Variants in NDUFB5 observed in about 807,000 individuals in gnomAD.
NDUFB5 encodes NADH:ubiquinone oxidoreductase subunit B5.
Under a neutral mutation model 19.4 loss-of-function variants are expected in NDUFB5, and 19 were observed. The ratio of observed to expected loss-of-function variants is 0.98; its 90% CI spans 0.68 to 1.43. The LOEUF (loss-of-function observed/expected upper bound fraction) is 1.43, where lower values mean the gene tolerates loss of function less well. NDUFB5 is among the 40% of genes most tolerant of loss of function. The pLI is 0.00. For missense variants in NDUFB5, 233 were observed against 236.5 expected, an observed-to-expected ratio of 0.99 and a Z score of 0.10; for synonymous variants, 80 against 82.6, an observed-to-expected ratio of 0.97 and a Z score of 0.17.
At chr3:179,615,204 A>G in intron 2 of NDUFB5, 145 bp downstream of exon 2, 1 of 455,602 alleles carries the variant, frequency 2.2e-6, no homozygotes, top group Non-Finnish European at 4.0e-6. Context: ...GAGACTGTAA[A>G]GTCTGATTTG....
At chr3:179,610,952 G>A (rs1719224994) in intron 1 of NDUFB5, among the ~76,000 whole-genome samples, 1 of 152,200 alleles carries the variant, frequency 6.6e-6, no homozygotes, top group Non-Finnish European at 1.5e-5. Context: ...GAAGTATAGG[G>A]ATAGTTTTAA....
rs189125972 is a variant in NDUFB5, at chr3:179,621,091, C to T, written c.449+2570C>T. 1.8e-4 allele frequency among the ~76,000 whole-genome samples: 27 copies of T among 152,044 alleles called. No homozygotes were observed. In the East Asian group the frequency reaches 2.3e-3, roughly 13 times the overall value. ...GTGTATTTCTTTTCTTTCTTCCCCC[C>T]GCCCGAGACAAAGTCTTGCTCTGTT... On this transcript the variant is annotated intron_variant, in intron 5 of 5. Transcript: ENST00000259037.
rs1013156424 is a variant in NDUFB5, at chr3:179,614,979, C to A, written c.133C>A (p.Arg45=). Residue 45 remains arginine (R), a synonymous_variant, in exon 2 of 6, where the codon CGA becomes AGA. Coordinates refer to ENST00000259037, the MANE Select transcript of NDUFB5 (RefSeq NM_002492.4). Reference sequence around the variant, plus strand: ...TAATTCAATATTCCCAGCTCCTGTTCGACACAGTGGAGACCATGGGAAAAG... The same window carrying A: ...TAATTCAATATTCCCAGCTCCTGTTAGACACAGTGGAGACCATGGGAAAAG... ...RGFPKAAAPV[R]HSGDHGKRLF... 6.2e-7 allele frequency: 1 copy of A among 1,604,830 alleles called. No homozygotes were observed. The highest frequency in any genetic ancestry group is 1.1e-5 in the South Asian group (1 of 89,838).
At chr3:179,617,505 A>G (rs1294915082) in intron 4 of NDUFB5, 1 of 152,286 alleles carries the variant, frequency 6.6e-6, no homozygotes, top group African/African-American at 2.4e-5. Flanking sequence ...TTTTATAAAC[A>G]ACGAATTTTG....
intron 5 of NDUFB5, among the ~76,000 whole-genome samples, chr3:179,623,560 G>A (rs1269515355): frequency 6.6e-6 from 1 of 152,156 alleles, no homozygotes; most frequent in Non-Finnish European, 1.5e-5. Flanking sequence ...TGTAGTCCCA[G>A]CTACTTGGGA....
intron 1 of NDUFB5, among the ~76,000 whole-genome samples, chr3:179,609,610 T>A (rs1719188295): frequency 6.6e-6 from 1 of 152,216 alleles, no homozygotes; most frequent in South Asian, 2.1e-4. Flanking sequence ...TTGTTGCTTA[T>A]GTATCTTACT....
intron 1 of NDUFB5, among the ~76,000 whole-genome samples, chr3:179,610,016 A>G (rs886205879): frequency 8.5e-5 from 13 of 152,276 alleles, no homozygotes; most frequent in African/African-American, 1.4e-4. Flanking sequence ...CCTGGACTCA[A>G]GCAATCCTGC....
intron 5 of NDUFB5, among the ~76,000 whole-genome samples, chr3:179,622,148 T>C (rs189395717): frequency 1.3e-5 from 2 of 151,016 alleles, no homozygotes; most frequent in Admixed American, 1.3e-4. Flanking sequence ...TTTAGGGGGG[T>C]TTTTTTGTTT....
intron 5 of NDUFB5, among the ~76,000 whole-genome samples, chr3:179,623,026 T>C (rs1406138191): frequency 6.6e-6 from 1 of 152,184 alleles, no homozygotes; most frequent in Admixed American, 6.5e-5. Flanking sequence ...TAATCTTGAT[T>C]TTTCTTGCTT....
At position 179,604,840 on chromosome 3, in the gene NDUFB5, C is replaced by T. The variant is rs11539673; in HGVS notation, c.25C>T (p.Arg9Trp). 17 of 1,605,912 alleles carry T rather than the reference C, an allele frequency of 1.1e-5. No individual in the cohort carries two copies. Among genetic ancestry groups the T allele is most frequent in the East Asian group, 2.2e-5 (1 of 44,826 alleles). The change falls in exon 1 of 6, where the codon CGG becomes TGG. Residue 9 changes from arginine (R) to tryptophan (W), a missense_variant. Transcript: ENST00000259037. The stretch of plus-strand genomic sequence containing the variant: ...CATGGCGGCCATGAGTTTGTTGCGG[C>T]GGGTTTCGGTTACTGCGGTGGCAGC... MAAMSLLRRVSVTAVAALS... is the reference protein window; with the variant it reads MAAMSLLRWVSVTAVAALS...
intron 3 of NDUFB5, among the ~76,000 whole-genome samples, chr3:179,616,473 T>C (rs1576882062): frequency 6.6e-6 from 1 of 151,716 alleles, no homozygotes; most frequent in Admixed American, 6.6e-5. Context: ...ACCCAGGAGG[T>C]GGAGGTTGCA....
chr3:179,604,894 C>T lies in NDUFB5; in HGVS notation c.79C>T (p.Leu27Phe), dbSNP rs1302738906. Residue 27 changes from leucine to phenylalanine, a missense_variant, in exon 1 of 6, where the codon CTC (leucine) becomes TTC (phenylalanine). By Grantham distance (22) the Leu-to-Phe change is conservative. Transcript: ENST00000259037. Reference sequence around the variant, plus strand: ...GTCTGGCCGGCCCCTTGGCACTCGCCTCGGATTTGGGGGCTTCCTCACTCG... The same window carrying T: ...GTCTGGCCGGCCCCTTGGCACTCGCTTCGGATTTGGGGGCTTCCTCACTCG... Reference protein sequence around the residue: ...ALSGRPLGTRLGFGGFLTRGF... With the variant: ...ALSGRPLGTRFGFGGFLTRGF... 2.5e-6 allele frequency: 4 copies of T among 1,595,104 alleles called. No homozygotes were observed. Among genetic ancestry groups the T allele is most frequent in the Admixed American group, 1.9e-5 (1 of 52,374 alleles).
At chr3:179,617,467 A>G (rs1333951929) in intron 4 of NDUFB5, 1 of 152,254 alleles carries the variant, frequency 6.6e-6, no homozygotes, top group East Asian at 1.9e-4. Flanking sequence ...CATTTTTTAT[A>G]TCAAGCAGAT....
rs1312633835 is a variant in NDUFB5 at position 179,627,526 on chromosome 3, A to T, written c.*3486A>T. 6.6e-6 allele frequency: 1 copy of T among 152,134 alleles called. No homozygotes were observed. Among genetic ancestry groups the T allele is most frequent in the African/African-American group, 2.4e-5 (1 of 41,382 alleles). 9.4% of individuals were successfully genotyped at this position (152,134 alleles called of 1,614,324 possible). A position where few individuals can be genotyped will look rare whatever the true frequency, so the allele number is the denominator to read the frequency against. On this transcript the variant is annotated 3_prime_UTR_variant, in exon 6 of 6. Coordinates refer to ENST00000259037, the MANE Select transcript of NDUFB5 (RefSeq NM_002492.4). ...CTGTAATATGCTTCCCCCTGCACAG[A>T]TCTCCCCCTGCCCCACGAAATGCTT... is the stretch of plus-strand genomic sequence containing the variant.
In NDUFB5 at chr3:179,604,872, T is replaced by A. The variant is rs775524963; in HGVS notation, c.57T>A (p.Ser19=). The change falls in exon 1 of 6, where the codon TCT becomes TCA. Residue 19 remains serine, a synonymous_variant. Coordinates refer to ENST00000259037, the MANE Select transcript of NDUFB5 (RefSeq NM_002492.4). ...CGGTTACTGCGGTGGCAGCTCTGTC[T>A]GGCCGGCCCCTTGGCACTCGCCTCG... is the stretch of plus-strand genomic sequence containing the variant. ...RVSVTAVAAL[S]GRPLGTRLGF... 6.3e-7 allele frequency: 1 copy of A among 1,595,264 alleles called. No individual in the cohort carries two copies. Among genetic ancestry groups the A allele is most frequent in the East Asian group, 2.2e-5 (1 of 44,810 alleles).
intron 5 of NDUFB5, among the ~76,000 whole-genome samples, chr3:179,618,995 C>G (rs1719455850): frequency 6.6e-6 from 1 of 151,868 alleles, no homozygotes; most frequent in Non-Finnish European, 1.5e-5. Flanking sequence ...GAGTGGAAGT[C>G]TTGCTCTGTT....
chr3:179,610,095 A>C (rs1560023804), intron 1 of NDUFB5, among the ~76,000 whole-genome samples: 1 of 151,700 alleles, frequency 6.6e-6, no homozygotes, highest in Non-Finnish European at 1.5e-5. Flanking sequence ...TATTTTATTT[A>C]TTTGTTTATT....
intron 1 of NDUFB5, 130 bp downstream of exon 1, chr3:179,605,069 G>C (rs1217778813): frequency 4.1e-5 from 54 of 1,310,990 alleles, no homozygotes; most frequent in Non-Finnish European, 5.2e-5. Flanking sequence ...CTTGACAGGA[G>C]AGACGGAGCA....
At chr3:179,606,844 G>T (rs1576875966) in intron 1 of NDUFB5, among the ~76,000 whole-genome samples, 1 of 152,132 alleles carries the variant, frequency 6.6e-6, no homozygotes, top group Non-Finnish European at 1.5e-5. Flanking sequence ...CACTCCACAG[G>T]ATGAGGCAAT....
Sources: gnomAD v4.1 joint callset for allele counts (sites outside exome capture counted in the v4.1 genomes callset) on GRCh38, gnomAD v4.1.1 for gene constraint, MANE v1.5 for transcripts, NCBI Gene and HGNC (gene_info 2026-07-23, HGNC 2026-07-21) for gene names.